Variants in CCSER2 observed in about 807,000 individuals in gnomAD.
The protein encoded by CCSER2 is coiled-coil serine rich protein 2.
Under a neutral mutation model 92.3 loss-of-function variants are expected in CCSER2, and 46 were observed. The observed-to-expected ratio is 0.50, with a 90% CI of 0.39 to 0.64. CCSER2 has a LOEUF of 0.64. Ranked by LOEUF, CCSER2 falls within the 30% of genes least tolerant of loss-of-function variation. CCSER2 has a pLI of 0.00. For synonymous variants in CCSER2, 433 were observed against 431.4 expected, an observed-to-expected ratio of 1.00 and a Z score of -0.04; for missense variants, 1,244 against 1,238.9, an observed-to-expected ratio of 1.00 and a Z score of -0.06.
chr10:84,475,486 A>C (rs1363659437), intron 8 of CCSER2, among the ~76,000 whole-genome samples: 1 of 152,158 alleles, frequency 6.6e-6, no homozygotes, highest in Non-Finnish European at 1.5e-5. Context: ...ACAGTCTGCT[A>C]CTTAGGATTT....
intron 1 of CCSER2, among the ~76,000 whole-genome samples, chr10:84,363,403 TA>T (rs1010576423): frequency 2.6e-5 from 4 of 151,786 alleles, no homozygotes; most frequent in African/African-American, 9.7e-5. Flanking sequence ...AACACAAGGT[TA>T]AAAAAAATTA....
chr10:84,496,887 A>G (rs182911735), intron 9 of CCSER2, among the ~76,000 whole-genome samples: 2 of 152,258 alleles, frequency 1.3e-5, no homozygotes, highest in African/African-American at 4.8e-5. Context: ...TGTGTTTTAT[A>G]TATAGTGCCC....
chr10:84,402,204 G>T (rs909585255), intron 3 of CCSER2, among the ~76,000 whole-genome samples: 1 of 152,066 alleles, frequency 6.6e-6, no homozygotes, highest in African/African-American at 2.4e-5. Context: ...ACCCATAACT[G>T]CAATGCCTGC....
At chr10:84,333,961 G>A (rs11598566) in intron 1 of CCSER2, among the ~76,000 whole-genome samples, 15,175 of 152,262 alleles carry the variant, frequency 0.1, 954 homozygotes, top group Admixed American at 0.15. Context: ...AGAGGAATGA[G>A]TGAATATAGG....
intron 1 of CCSER2, among the ~76,000 whole-genome samples, chr10:84,332,429 TATA>T (rs1337032974): frequency 1.5e-4 from 13 of 85,850 alleles, no homozygotes; most frequent in South Asian, 4.4e-4. Context: ...TATATATATA[TATA>T]TATATTTTTT....
At chr10:84,491,126 C>T (rs1218491126) in intron 9 of CCSER2, among the ~76,000 whole-genome samples, 2 of 152,170 alleles carry the variant, frequency 1.3e-5, no homozygotes, top group Admixed American at 6.6e-5. Context: ...GGTACCCAGC[C>T]GTGTGAGTTT....
At chr10:84,343,342 C>T (rs1202666651) in intron 1 of CCSER2, among the ~76,000 whole-genome samples, 1 of 152,152 alleles carries the variant, frequency 6.6e-6, no homozygotes, top group African/African-American at 2.4e-5. Flanking sequence ...GTTGTCAAGT[C>T]TTTGTGAGGT....
At chr10:84,457,696 A>T (rs1845853570) in intron 6 of CCSER2, among the ~76,000 whole-genome samples, 1 of 122,950 alleles carries the variant, frequency 8.1e-6, no homozygotes, top group African/African-American at 3.0e-5. Flanking sequence ...ATATATATTT[A>T]TATATAATTA....
Position 84,355,287 on chromosome 10 carries a change from T to G in CCSER2, c.-39-15727T>G, listed in dbSNP as rs558951144. Among the ~76,000 whole-genome samples, 10 of 152,364 alleles carry G rather than the reference T, an allele frequency of 6.6e-5. No homozygotes were observed. In the South Asian group the frequency reaches 2.1e-3, roughly 32 times the overall value. ...TTCCACTATTCTTCCTTTCTTCTTA[T>G]GCATTTCTGAAACCCTGTTCACTAC... On this transcript the variant is annotated intron_variant, in intron 1 of 9. Transcript: ENST00000372088.
chr10:84,395,824 G>A (rs1245650651), intron 3 of CCSER2, among the ~76,000 whole-genome samples: 3 of 152,278 alleles, frequency 2.0e-5, no homozygotes, highest in East Asian at 3.9e-4. Flanking sequence ...GGCTTATCTT[G>A]TATTTTCCCT....
In CCSER2 at chr10:84,513,475, C is replaced by G. The variant is rs751155549; in HGVS notation, c.2352C>G (p.Ser784Arg). 2 of 1,611,206 alleles carry G rather than the reference C, an allele frequency of 1.2e-6. No homozygotes were observed. The highest frequency in any genetic ancestry group is 1.7e-6 in the Non-Finnish European group (2 of 1,178,370). Residue 784 changes from serine (S) to arginine (R), a missense_variant, in exon 10 of 10, where the codon AGC becomes AGG. Ser to Arg is a moderately radical substitution (Grantham distance 110). Transcript: ENST00000372088. ...IPPQVLQPSS[S>R]LPRPTDHTQG... is the part of the protein sequence containing the mutation. ...CTCAAGTACTACAGCCTTCCAGCAG[C>G]CTTCCCAGACCCACAGATCACACCC... is the stretch of plus-strand genomic sequence containing the variant.
intron 4 of CCSER2, among the ~76,000 whole-genome samples, chr10:84,420,220 A>C (rs1843072350): frequency 6.6e-6 from 1 of 152,200 alleles, no homozygotes; most frequent in African/African-American, 2.4e-5. Context: ...AATCACAGGG[A>C]AATTTAGTCT....
intron 9 of CCSER2, among the ~76,000 whole-genome samples, chr10:84,484,402 C>T (rs1019861042): frequency 6.6e-6 from 1 of 152,054 alleles, no homozygotes; most frequent in Middle Eastern, 3.2e-3. Context: ...CATGAGCCAT[C>T]CACCATGCCC....
At chr10:84,503,450 A>T (rs1040637709) in intron 9 of CCSER2, among the ~76,000 whole-genome samples, 26 of 152,186 alleles carry the variant, frequency 1.7e-4, no homozygotes, top group Admixed American at 1.3e-4. Flanking sequence ...AAATTCACTT[A>T]ACTGGCATTG....
At chr10:84,494,144 C>CTGTGTT (rs1348612180) in intron 9 of CCSER2, among the ~76,000 whole-genome samples, 2 of 152,192 alleles carry the variant, frequency 1.3e-5, no homozygotes, top group African/African-American at 4.8e-5. Context: ...TCACCTCCTG[C>CTGTGTT]TGTGTTGTCA....
chr10:84,483,568 T>G (rs1351293226), intron 9 of CCSER2, among the ~76,000 whole-genome samples: 2 of 152,084 alleles, frequency 1.3e-5, no homozygotes, highest in East Asian at 3.9e-4. Flanking sequence ...TTACCTAGTT[T>G]CTAGCAACCG....
chr10:84,391,488 G>T, intron 3 of CCSER2: 1 of 1,555,222 alleles, frequency 6.4e-7, no homozygotes, highest in South Asian at 1.1e-5. Flanking sequence ...GTTAAGCCTT[G>T]TATAGCTGAT....
intron 9 of CCSER2, among the ~76,000 whole-genome samples, chr10:84,488,610 T>C (rs1365506315): frequency 6.6e-6 from 1 of 152,160 alleles, no homozygotes; most frequent in Non-Finnish European, 1.5e-5. Context: ...TTTAATTGCG[T>C]CTATTTGATT....
rs1286094763 is a variant in CCSER2 at position 84,437,148 on chromosome 10, CACAGAGAGAG to C, written c.1869-1362_1869-1353del. ...AACCAAATACACACACACACACACA[CACAGAGAGAG>C]AGAGAGAGAGAGAGAGACAGAGAGA... On this transcript the variant is annotated intron_variant, in intron 5 of 9. Transcript: ENST00000372088. Among the ~76,000 whole-genome samples the C allele has an allele frequency of 9.3e-3, 1,334 of 143,350 alleles. 14 individuals are homozygous for C. The highest frequency in any genetic ancestry group is 0.013 in the Non-Finnish European group (874 of 65,616). 94.0% of individuals were successfully genotyped at this position (143,350 alleles called of 152,430 possible). A position where few individuals can be genotyped will look rare whatever the true frequency, so the allele number is the denominator to read the frequency against.
Sources: allele counts gnomAD v4.1 joint callset (sites outside exome capture counted in the v4.1 genomes callset), GRCh38; gene constraint gnomAD v4.1.1; transcripts MANE v1.5; gene names NCBI Gene and HGNC (gene_info 2026-07-23, HGNC 2026-07-21).